Variants in ARSG observed in about 807,000 individuals in gnomAD.
ARSG encodes the protein arylsulfatase G.
In ARSG, 37 loss-of-function variants were observed where a neutral mutation model predicts 50.5. The ratio of observed to expected loss-of-function variants is 0.73; its 90% CI spans 0.56 to 0.96. The LOEUF is 0.96. Ranked by LOEUF, ARSG falls within the 50% of genes least tolerant of loss-of-function variation. ARSG has a pLI of 0.00. For missense variants in ARSG, 629 were observed against 675.3 expected (o/e 0.93, Z 0.76); for synonymous variants, 225 against 254.6 (o/e 0.88, Z 1.11).
In ARSG at chr17:68,368,577, T is replaced by A. The variant is rs1377523064; in HGVS notation, c.734T>A (p.Val245Glu). Residue 245 changes from valine to glutamate, a missense_variant, in exon 7 of 12, where the codon GTG (valine) becomes GAG (glutamate). Transcript: ENST00000621439. Reference sequence around the variant, plus strand: ...AGCGGGAGGCCCTTCCTGCTCTATGTGGCTCTGGCCCACATGCACGTGCCC... The same window carrying A: ...AGCGGGAGGCCCTTCCTGCTCTATGAGGCTCTGGCCCACATGCACGTGCCC... ...STSGRPFLLYVALAHMHVPLP... is the reference protein window; with the variant it reads ...STSGRPFLLYEALAHMHVPLP... 6.2e-7 allele frequency: 1 copy of A among 1,614,004 alleles called. No homozygotes were observed. Among genetic ancestry groups the A allele is most frequent in the Non-Finnish European group, 8.5e-7 (1 of 1,180,022 alleles).
chr17:68,350,279 G>C (rs2146354945), intron 4 of ARSG, among the ~76,000 whole-genome samples: 1 of 152,236 alleles, frequency 6.6e-6, no homozygotes, highest in African/African-American at 2.4e-5. Flanking sequence ...GATTTGGAGG[G>C]GCAGGAGTTG....
intron 11 of ARSG, among the ~76,000 whole-genome samples, chr17:68,404,502 G>A (rs984736428): frequency 6.6e-6 from 1 of 152,130 alleles, no homozygotes; most frequent in Non-Finnish European, 1.5e-5. Flanking sequence ...ATTTTCAAGT[G>A]TTAAGCCAAC....
At chr17:68,375,023 A>T (rs1049108168) in intron 8 of ARSG, among the ~76,000 whole-genome samples, 3 of 152,148 alleles carry the variant, frequency 2.0e-5, no homozygotes, top group African/African-American at 7.2e-5. Context: ...AACTATGCTT[A>T]GTGCTGGTGC....
Position 68,331,069 on chromosome 17 carries a change from C to T in ARSG, c.219-12535C>T, listed in dbSNP as rs182918842. Among the ~76,000 whole-genome samples the T allele has an allele frequency of 4.5e-3, 676 of 150,650 alleles. 9 individuals carry two copies. Among genetic ancestry groups the T allele is most frequent in the African/African-American group, 0.015 (609 of 40,922 alleles). On this transcript the variant is annotated intron_variant, in intron 2 of 11. Coordinates refer to ENST00000621439, the MANE Select transcript of ARSG (RefSeq NM_001267727.2). ...GCATGATCTCAGCTCACTGCAACAT[C>T]TGCCTCCTGGGTTCAAGCAATTCTC...
intron 1 of ARSG, among the ~76,000 whole-genome samples, chr17:68,291,984 G>A (rs1555756342): frequency 1.3e-5 from 2 of 152,072 alleles, no homozygotes; most frequent in Non-Finnish European, 2.9e-5. Flanking sequence ...AGCTGCGCGC[G>A]CGGCGCCTGA....
rs374999134 is a variant in ARSG, at chr17:68,356,734, C to G, written c.634C>G (p.Gln212Glu). 6.2e-7 allele frequency: 1 copy of G among 1,614,092 alleles called. No individual in the cohort carries two copies. The highest frequency in any genetic ancestry group is 1.3e-5 in the African/African-American group (1 of 74,926). The part of the protein sequence containing the change: ...PLYENLNIVE[Q>E]PVNLSSLAQK... The stretch of plus-strand genomic sequence containing the variant: ...TTATGAAAACCTCAACATTGTGGAG[C>G]AGCCGGTGAACTTGAGCAGCCTTGC... The change falls in exon 6 of 12, where the codon CAG (glutamine) becomes GAG (glutamate). Residue 212 changes from glutamine to glutamate, a missense_variant. By Grantham distance (29) the Gln-to-Glu change is conservative. Coordinates refer to ENST00000621439, the MANE Select transcript of ARSG (RefSeq NM_001267727.2).
intron 1 of ARSG, among the ~76,000 whole-genome samples, chr17:68,259,728 T>A (rs1290513788): frequency 4.6e-5 from 7 of 152,238 alleles, no homozygotes; most frequent in African/African-American, 1.7e-4. Flanking sequence ...TCCCGTGTGT[T>A]TGTTACACTT....
chr17:68,359,755 T>G (rs1415466206), intron 6 of ARSG: 1 of 152,238 alleles, frequency 6.6e-6, no homozygotes, highest in Non-Finnish European at 1.5e-5. Context: ...GTTTTCTTGG[T>G]AATAAAACCT....
downstream of ARSG, among the ~76,000 whole-genome samples, chr17:68,425,377 CTTTTCT>C (rs1465560497): frequency 8.5e-6 from 1 of 117,110 alleles, no homozygotes; most frequent in Non-Finnish European, 1.7e-5. Flanking sequence ...CTAATTTTTT[CTTTTCT>C]TTTTTTTTTT....
the ARSG span, among the ~76,000 whole-genome samples, chr17:68,428,087 G>A: frequency 6.6e-6 from 1 of 151,788 alleles, no homozygotes; most frequent in African/African-American, 2.4e-5. Flanking sequence ...TTGTAAGGAT[G>A]GGGTTTCACC....
At chr17:68,263,572 T>G (rs2075106632) in intron 1 of ARSG, among the ~76,000 whole-genome samples, 3 of 152,192 alleles carry the variant, frequency 2.0e-5, no homozygotes, top group Non-Finnish European at 1.5e-5. Context: ...TGGGCTCAAG[T>G]GCTCTTTCTA....
Position 68,271,466 on chromosome 17 carries a change from G to C in ARSG, c.-552+12040G>C. 6.2e-7 allele frequency: 1 copy of C among 1,614,094 alleles called. No homozygotes were observed. Among genetic ancestry groups the C allele is most frequent in the Non-Finnish European group, 8.5e-7 (1 of 1,180,030 alleles). The stretch of plus-strand genomic sequence containing the variant: ...GAGTCAATGGAGTCTATTGAGGTTC[G>C]TGTTTTCTCATTTTCAAGCATATAC... On this transcript the variant is annotated intron_variant, in intron 1 of 11. Coordinates refer to the ARSG transcript ENST00000448504. The surrounding 1 kb of genome is among the most constrained non-coding windows in gnomAD (Gnocchi z 5.3).
Position 68,378,568 on chromosome 17 carries a change from G to A in ARSG, c.983-6496G>A, listed in dbSNP as rs1420081489. Among the ~76,000 whole-genome samples, 1 of 152,188 alleles carries A rather than the reference G, an allele frequency of 6.6e-6. No homozygotes were observed. The highest frequency in any genetic ancestry group is 1.5e-5 in the Non-Finnish European group (1 of 68,026). ...AGCAGCCCTGCCTTCTCCCGAAGAA[G>A]AAGGGCACGAGTCAGACACCCCTGC... On this transcript the variant is annotated intron_variant, in intron 8 of 11. Coordinates refer to ENST00000621439, the MANE Select transcript of ARSG (RefSeq NM_001267727.2). The surrounding 1 kb of genome is among the most constrained non-coding windows in gnomAD (Gnocchi z 4.4).
chr17:68,329,899 T>C (rs748757170), intron 2 of ARSG, among the ~76,000 whole-genome samples: 2 of 152,230 alleles, frequency 1.3e-5, no homozygotes, highest in Non-Finnish European at 2.9e-5. Context: ...CTGTATGTAC[T>C]CATGCTAGGT....
At chr17:68,450,573 T>C in the ARSG span, among the ~76,000 whole-genome samples, 2 of 152,368 alleles carry the variant, frequency 1.3e-5, no homozygotes, top group South Asian at 4.1e-4. Context: ...GAGTAGACTC[T>C]GTTTACAATA....
Position 68,329,643 on chromosome 17 carries a change from C to T in ARSG, c.219-13961C>T, listed in dbSNP as rs957195203. Among the ~76,000 whole-genome samples the T allele has an allele frequency of 7.2e-5, 11 of 152,130 alleles. No homozygotes were observed. In the South Asian group the frequency reaches 1.9e-3, roughly 26 times the overall value. On this transcript the variant is annotated intron_variant, in intron 2 of 11. Transcript: ENST00000621439. ...AGGCTGTGATGGAGGGCCTGTAGAC[C>T]GTGCTGACTTCGAATTTGCTTTGAC...
the ARSG span, chr17:68,428,617 T>C: frequency 1.9e-6 from 1 of 516,328 alleles, no homozygotes; most frequent in Non-Finnish European, 3.5e-6. Context: ...TGTGTGTTAT[T>C]AATCCTGGCA....
chr17:68,309,404 G>A (rs940350450), intron 2 of ARSG, among the ~76,000 whole-genome samples: 1 of 152,258 alleles, frequency 6.6e-6, no homozygotes, highest in African/African-American at 2.4e-5. Context: ...CAAAGTGGGA[G>A]CCCAGGCAGA....
intron 4 of ARSG, 35 bp from the exon 5 acceptor site, chr17:68,351,540 C>A: frequency 8.0e-7 from 1 of 1,247,198 alleles, no homozygotes; most frequent in Non-Finnish European, 1.2e-6. Flanking sequence ...GAGTCGCAGC[C>A]ACGTGGGGGT....
Sources: allele counts gnomAD v4.1 joint callset (sites outside exome capture counted in the v4.1 genomes callset), GRCh38; gene constraint gnomAD v4.1.1; non-coding constraint Gnocchi (gnomAD v3.1); transcripts MANE v1.5; gene names NCBI Gene and HGNC (gene_info 2026-07-23, HGNC 2026-07-21).